Variants in TAFA1 observed in about 807,000 individuals in gnomAD.
TAFA1 encodes the protein TAFA chemokine like family member 1.
A neutral mutation model predicts 18.5 loss-of-function variants in TAFA1; 4 were observed. The observed-to-expected ratio is 0.22, with a 90% CI of 0.11 to 0.49. The LOEUF (loss-of-function observed/expected upper bound fraction) is 0.49, where lower values mean the gene tolerates loss of function less well. Ranked by LOEUF, TAFA1 falls within the 20% of genes least tolerant of loss-of-function variation. The probability of loss-of-function intolerance (pLI) is 0.98; values close to 1 mark genes in which losing one functional copy is unlikely to be tolerated. For synonymous variants in TAFA1, 56 were observed against 55.2 expected, an observed-to-expected ratio of 1.01 and a Z score of -0.06; for missense variants, 147 against 169.0, an observed-to-expected ratio of 0.87 and a Z score of 0.72.
At chr3:68,533,000 G>C (rs2073212627) in intron 3 of TAFA1, among the ~76,000 whole-genome samples, 1 of 151,476 alleles carries the variant, frequency 6.6e-6, no homozygotes, top group African/African-American at 2.4e-5. Context: ...AGTCACCATA[G>C]GACTGTGGCC....
At chr3:68,435,297 G>A (rs1035457190) in intron 3 of TAFA1, among the ~76,000 whole-genome samples, 3 of 152,118 alleles carry the variant, frequency 2.0e-5, no homozygotes, top group African/African-American at 7.2e-5. Flanking sequence ...TGCCTGGGTA[G>A]AGAAGGGTGT....
intron 2 of TAFA1, among the ~76,000 whole-genome samples, chr3:68,354,276 G>A (rs1257896008): frequency 2.0e-5 from 3 of 151,866 alleles, no homozygotes; most frequent in African/African-American, 7.3e-5. Flanking sequence ...AAAAGATGTG[G>A]ATTTCACACT....
At chr3:68,173,969 A>T (rs1047031863) in intron 2 of TAFA1, among the ~76,000 whole-genome samples, 1 of 152,218 alleles carries the variant, frequency 6.6e-6, no homozygotes, top group South Asian at 2.1e-4. Context: ...ATCACCCAAC[A>T]TATTTTAAAA....
chr3:68,306,265 A>G (rs910316554), intron 2 of TAFA1, among the ~76,000 whole-genome samples: 2 of 152,132 alleles, frequency 1.3e-5, no homozygotes, highest in African/African-American at 4.8e-5. Context: ...ATTACATTAT[A>G]GCTTTGTACC....
At chr3:68,295,399 A>C (rs922829095) in intron 2 of TAFA1, among the ~76,000 whole-genome samples, 5 of 149,994 alleles carry the variant, frequency 3.3e-5, no homozygotes, top group African/African-American at 1.2e-4. Flanking sequence ...TCTAAGTTCT[A>C]AGACCTATTT....
intron 2 of TAFA1, among the ~76,000 whole-genome samples, chr3:68,412,028 G>A (rs554341197): frequency 1.3e-5 from 2 of 152,138 alleles, no homozygotes; most frequent in East Asian, 3.9e-4. Context: ...TGTGATTGAG[G>A]CCATAGTTCA....
At chr3:68,087,763 A>G (rs542808613) in intron 2 of TAFA1, among the ~76,000 whole-genome samples, 2 of 152,266 alleles carry the variant, frequency 1.3e-5, no homozygotes, top group South Asian at 4.1e-4. Flanking sequence ...TTCCATGCCA[A>G]TAAATATACC....
intron 2 of TAFA1, among the ~76,000 whole-genome samples, chr3:68,239,812 C>A (rs2066974031): frequency 6.6e-6 from 1 of 152,062 alleles, no homozygotes; most frequent in African/African-American, 2.4e-5. Flanking sequence ...CATTTGCAGC[C>A]CCCATGTCCC....
At chr3:68,212,537 T>C (rs112900591) in intron 2 of TAFA1, among the ~76,000 whole-genome samples, 1 of 152,032 alleles carries the variant, frequency 6.6e-6, no homozygotes, top group Non-Finnish European at 1.5e-5. Context: ...CCCCCTGCAA[T>C]GAGCAGTCAC....
intron 2 of TAFA1, among the ~76,000 whole-genome samples, chr3:68,174,851 G>C (rs567833644): frequency 6.6e-6 from 1 of 152,172 alleles, no homozygotes; most frequent in Non-Finnish European, 1.5e-5. Context: ...ATCTCCCCAG[G>C]GTATGTCAGA....
chr3:68,255,672 A>T (rs2067284418), intron 2 of TAFA1, among the ~76,000 whole-genome samples: 1 of 151,648 alleles, frequency 6.6e-6, no homozygotes, highest in South Asian at 2.1e-4. Flanking sequence ...GGTTTTTTTT[A>T]ATTTATTTGT....
chr3:68,288,087 T>A (rs1431365252), intron 2 of TAFA1, among the ~76,000 whole-genome samples: 1 of 152,138 alleles, frequency 6.6e-6, no homozygotes, highest in Non-Finnish European at 1.5e-5. Flanking sequence ...CAATTCTCAT[T>A]ACTTTGCTCT....
At chr3:68,390,561 G>A (rs956456128) in intron 2 of TAFA1, among the ~76,000 whole-genome samples, 1 of 152,204 alleles carries the variant, frequency 6.6e-6, no homozygotes, top group Admixed American at 6.5e-5. Context: ...TTCTGATGGG[G>A]AGACACCTCC....
At chr3:68,036,034 A>G (rs1216253444) in intron 2 of TAFA1, among the ~76,000 whole-genome samples, 4 of 152,198 alleles carry the variant, frequency 2.6e-5, no homozygotes, top group South Asian at 2.1e-4. Context: ...ACAAAGAGTC[A>G]GTGTAAGGAA....
At chr3:68,015,598 C>G (rs148714616) in intron 2 of TAFA1, among the ~76,000 whole-genome samples, 7 of 152,196 alleles carry the variant, frequency 4.6e-5, no homozygotes, top group African/African-American at 1.7e-4. Context: ...TAATTTTCTT[C>G]TTGATTATGG....
At chr3:68,214,185 A>G (rs1389010055) in intron 2 of TAFA1, among the ~76,000 whole-genome samples, 1 of 152,066 alleles carries the variant, frequency 6.6e-6, no homozygotes, top group Non-Finnish European at 1.5e-5. Flanking sequence ...ACAACTCTTG[A>G]CACTCAACAT....
intron 3 of TAFA1, among the ~76,000 whole-genome samples, chr3:68,504,187 C>T (rs1403258277): frequency 6.6e-6 from 1 of 152,126 alleles, no homozygotes; most frequent in African/African-American, 2.4e-5. Context: ...CTTAGTCTGT[C>T]GTAAACATTA....
intron 2 of TAFA1, among the ~76,000 whole-genome samples, chr3:68,154,107 G>A (rs1036025523): frequency 6.6e-6 from 1 of 152,064 alleles, no homozygotes; most frequent in East Asian, 1.9e-4. Flanking sequence ...TTATTTGGCA[G>A]GTGACTTTTC....
intron 2 of TAFA1, among the ~76,000 whole-genome samples, chr3:68,211,324 A>G (rs956970854): frequency 7.9e-5 from 12 of 152,088 alleles, no homozygotes; most frequent in Non-Finnish European, 1.8e-4. Flanking sequence ...TATATTCTAT[A>G]TGCTATTCTC....
Sources: allele counts gnomAD v4.1 joint callset (sites outside exome capture counted in the v4.1 genomes callset), GRCh38; gene constraint gnomAD v4.1.1; transcripts MANE v1.5; gene names NCBI Gene and HGNC (gene_info 2026-07-23, HGNC 2026-07-21).